The following NCOR2 variants were observed in gnomAD, a reference collection of about 807,000 sequenced individuals.
NCOR2 encodes CTG repeat protein 26.
In NCOR2, 81 loss-of-function variants were observed where a neutral mutation model predicts 262.9. That is an observed-to-expected ratio of 0.31 (90% CI 0.26 to 0.37). NCOR2 has a LOEUF of 0.37. Ranked by LOEUF, NCOR2 falls within the 10% of genes least tolerant of loss-of-function variation. The pLI is 1.00. For missense variants in NCOR2, 3,385 were observed against 3,621.4 expected (o/e 0.93, Z 1.68); for synonymous variants, 1,659 against 1,559.3 (o/e 1.06, Z -1.51).
At chr12:124,509,048 C>T (rs2049221891) in intron 1 of NCOR2, among the ~76,000 whole-genome samples, 2 of 152,168 alleles carry the variant, frequency 1.3e-5, no homozygotes. Context: ...AAAGGCAGGC[C>T]AGGCAGGGAC....
intron 37 of NCOR2, among the ~76,000 whole-genome samples, chr12:124,339,593 T>C: frequency 1.8e-5 from 2 of 111,752 alleles, no homozygotes; most frequent in East Asian, 2.7e-4. Context: ...CCTAACCATC[T>C]ATCCTCCCAC....
At chr12:124,519,998 C>T (rs4765576) in intron 1 of NCOR2, among the ~76,000 whole-genome samples, 3,417 of 152,316 alleles carry the variant, frequency 0.022, 122 homozygotes, top group East Asian at 0.17. Context: ...AGGAGGGTTT[C>T]AGGACTAAGA....
At chr12:124,393,935 G>A (rs1284298336) in intron 16 of NCOR2, among the ~76,000 whole-genome samples, 1 of 152,242 alleles carries the variant, frequency 6.6e-6, no homozygotes, top group African/African-American at 2.4e-5. Context: ...CCCCTTCCTC[G>A]GGGTAGCCCT....
exon 32 of NCOR2, chr12:124,344,862 C>T (rs1265284539): frequency 6.4e-6 from 10 of 1,574,000 alleles, no homozygotes; most frequent in East Asian, 2.3e-5. Flanking sequence ...CGGGTGGGAA[C>T]GTCCGGCCGG....
intron 13 of NCOR2, among the ~76,000 whole-genome samples, chr12:124,405,613 G>A (rs182460295): frequency 2.6e-4 from 39 of 152,328 alleles, no homozygotes; most frequent in Middle Eastern, 3.4e-3. Flanking sequence ...GACAGACCCC[G>A]GCAGCCTTAA....
At chr12:124,499,325 G>A (rs887804067), upstream of NCOR2, among the ~76,000 whole-genome samples, 1 of 152,230 alleles carries the variant, frequency 6.6e-6, no homozygotes. Flanking sequence ...GAAAGGGTGG[G>A]CGGCATTCAT....
At chr12:124,567,586 C>A (rs1231117047), upstream of NCOR2, 4 of 145,792 alleles carry the variant, frequency 2.7e-5, no homozygotes, top group Non-Finnish European at 6.1e-5. Flanking sequence ...CGGCTCCGCG[C>A]TCCCCGGCGG....
chr12:124,451,369 T>C (rs2045521777), intron 6 of NCOR2, among the ~76,000 whole-genome samples: 1 of 152,208 alleles, frequency 6.6e-6, no homozygotes, highest in African/African-American at 2.4e-5. Context: ...TCCCCAGCAG[T>C]AGCCATGTAA....
At chr12:124,522,928 G>A (rs1020797465) in intron 1 of NCOR2, among the ~76,000 whole-genome samples, 3 of 152,204 alleles carry the variant, frequency 2.0e-5, no homozygotes, top group African/African-American at 7.2e-5. Context: ...CTTCCCTGTG[G>A]CAGGCATCCA....
intron 19 of NCOR2, among the ~76,000 whole-genome samples, chr12:124,373,486 AGTGG>A: frequency 9.8e-6 from 1 of 102,116 alleles, no homozygotes; most frequent in Non-Finnish European, 1.9e-5. Flanking sequence ...CCCCGGGCAC[AGTGG>A]ACAGTGAGGC....
At chr12:124,365,020 T>G in intron 20 of NCOR2, among the ~76,000 whole-genome samples, 1 of 147,866 alleles carries the variant, frequency 6.8e-6, no homozygotes, top group South Asian at 2.2e-4. Context: ...TGTTTGGGGG[T>G]ATGGAGGTGG....
rs541618949 is a variant in NCOR2 at position 124,374,844 on chromosome 12, T to TG, written c.2168-382dup. Among the ~76,000 whole-genome samples, 3 of 152,318 alleles carry TG rather than the reference T, an allele frequency of 2.0e-5. No individual in the cohort carries two copies. The South Asian group carries it at 6.2e-4, about 32-fold the overall frequency. On this transcript the variant is annotated intron_variant, in intron 18 of 46. Transcript: ENST00000405201. ...GAGTGGGAGGTGTTGACCTCAGGGA[T>TG]GGGCAAGGTTGCAGGGAGAGGCTTT... is the stretch of plus-strand genomic sequence containing the variant.
intron 44 of NCOR2, 91 bp from the exon 47 acceptor site, chr12:124,327,724 A>G (rs1163874264): frequency 1.1e-5 from 10 of 885,508 alleles, no homozygotes; most frequent in Middle Eastern, 5.5e-4. Context: ...GGAGAGAGAG[A>G]GGGAAGGAGG....
chr12:124,475,498 T>C (rs1043205950), intron 3 of NCOR2, among the ~76,000 whole-genome samples: 6 of 152,166 alleles, frequency 3.9e-5, no homozygotes, highest in Non-Finnish European at 5.9e-5. Flanking sequence ...ATGGTAAAAA[T>C]AGCTCAAGCT....
intron 20 of NCOR2, among the ~76,000 whole-genome samples, chr12:124,370,994 G>A (rs1174304153): frequency 6.6e-6 from 1 of 152,016 alleles, no homozygotes; most frequent in Non-Finnish European, 1.5e-5. Context: ...CCAACCCCAC[G>A]GCCACCACGC....
rs2037044432 is a variant in NCOR2 at position 124,347,596 on chromosome 12, A to G, written c.4072+229T>C. ...ACAGGACAGTTGCTATGTGACACCT[A>G]AAAGCACAGGGGTGATCGGTGGTAT... is the stretch of plus-strand genomic sequence containing the variant. On this transcript the variant is annotated intron_variant, in intron 30 of 46. Transcript: ENST00000405201. The G allele has an allele frequency of 5.5e-6, 3 of 542,552 alleles. No homozygotes were observed. In the East Asian group the frequency reaches 8.8e-5, roughly 16 times the overall value. The allele number at this position is 542,552 out of a possible 1,614,324, so 33.6% of individuals were successfully genotyped here. A position where few individuals can be genotyped will look rare whatever the true frequency, so the allele number is the denominator to read the frequency against.
rs1374273388 is a variant in NCOR2, at chr12:124,531,253, G to A, written c.-118+4312C>T. On this transcript the variant is annotated intron_variant, in intron 1 of 46. Coordinates refer to the NCOR2 transcript ENST00000404621. This position sits in a 1 kb window ranked among gnomAD's most constrained non-coding sequence, Gnocchi z 4.5. ...ATGATAATAATAATAGAAGGACAGG[G>A]AGGGGGCTGCAGGGATGGGGGCTCT... Among the ~76,000 whole-genome samples, 1 of 152,218 alleles carries A rather than the reference G, an allele frequency of 6.6e-6. No individual in the cohort carries two copies. Among genetic ancestry groups the A allele is most frequent in the Non-Finnish European group, 1.5e-5 (1 of 68,038 alleles).
intron 19 of NCOR2, among the ~76,000 whole-genome samples, chr12:124,373,264 CAGTGGACAATCAT>C (rs1566411711): frequency 4.5e-4 from 57 of 125,716 alleles, no homozygotes; most frequent in African/African-American, 1.7e-3. Context: ...GACCCGGGCA[CAGTGGACAATCAT>C]GAGGCCAGTG....
At chr12:124,374,760 T>C (rs983523449) in intron 18 of NCOR2, among the ~76,000 whole-genome samples, 1 of 152,264 alleles carries the variant, frequency 6.6e-6, no homozygotes, top group Non-Finnish European at 1.5e-5. Flanking sequence ...TCAGCCACTC[T>C]GGGTGTCCTT....
Sources: gnomAD v4.1 joint callset for allele counts (sites outside exome capture counted in the v4.1 genomes callset) on GRCh38, gnomAD v4.1.1 for gene constraint, Gnocchi (gnomAD v3.1) non-coding constraint, MANE v1.5 for transcripts, NCBI Gene and HGNC (gene_info 2026-07-23, HGNC 2026-07-21) for gene names.